NAV2: variants seen among roughly 807,000 people sequenced by gnomAD.
NAV2 encodes helicase, APC down-regulated 1.
In NAV2, 54 loss-of-function variants were observed where a neutral mutation model predicts 223.2. The observed-to-expected ratio is 0.24, with a 90% CI of 0.19 to 0.30. The LOEUF is 0.30. Ranked by LOEUF, NAV2 falls within the 10% of genes least tolerant of loss-of-function variation. The probability of loss-of-function intolerance (pLI) is 1.00; values close to 1 mark genes in which losing one functional copy is unlikely to be tolerated. For synonymous variants in NAV2, 1,279 were observed against 1,239.3 expected (o/e 1.03, Z -0.67); for missense variants, 2,806 against 3,147.5 (o/e 0.89, Z 2.60).
At chr11:19,994,668 A>G (rs1210857265) in intron 11 of NAV2, among the ~76,000 whole-genome samples, 1 of 152,140 alleles carries the variant, frequency 6.6e-6, no homozygotes, top group African/African-American at 2.4e-5. Context: ...ACGGTGGCCT[A>G]TGGAAAAGGG....
At position 20,068,210 on chromosome 11, in the gene NAV2, G is replaced by A. The variant is rs762216493; in HGVS notation, c.4908+1G>A. 1 of 1,614,084 alleles carries A rather than the reference G, an allele frequency of 6.2e-7. No individual in the cohort carries two copies. The highest frequency in any genetic ancestry group is 1.1e-5 in the South Asian group (1 of 91,084). On this transcript the variant is annotated splice_donor_variant, in intron 21 of 37. Transcript: ENST00000349880. LOFTEE classifies it high-confidence loss of function. ...GCCAGAAGAAAAATGCCAGTCAGAG[G>A]TAAGGAACAGCTTTCTGGTTGGATT...
Position 19,946,429 on chromosome 11 carries a change from G to C in NAV2, c.2175G>C (p.Arg725=), listed in dbSNP as rs2046946005. 7.4e-6 allele frequency: 12 copies of C among 1,613,310 alleles called. No homozygotes were observed. Among genetic ancestry groups the C allele is most frequent in the Non-Finnish European group, 1.0e-5 (12 of 1,179,808 alleles). Residue 725 remains arginine (R), a synonymous_variant, in exon 9 of 38, where the codon CGG becomes CGC. Coordinates refer to ENST00000349880, the MANE Select transcript of NAV2 (RefSeq NM_145117.5). ...AAGATCCTGAGGCTCGGCGGCTGCG[G>C]ACAGTGAAGAACATCGCTGATCTGC... is the stretch of plus-strand genomic sequence containing the variant. ...TGEDPEARRL[R]TVKNIADLRQ... is the part of the protein sequence containing the mutation.
chr11:19,626,224 G>A (rs1232084069), intron 1 of NAV2, among the ~76,000 whole-genome samples: 2 of 152,120 alleles, frequency 1.3e-5, no homozygotes, highest in Admixed American at 6.5e-5. Context: ...GATGAGAGAT[G>A]GAGGTCTGTT....
At chr11:19,692,753 G>T (rs1025737919) in intron 1 of NAV2, among the ~76,000 whole-genome samples, 1 of 152,144 alleles carries the variant, frequency 6.6e-6, no homozygotes, top group East Asian at 1.9e-4. Context: ...GCCAGGCATC[G>T]TTCTAGACTC....
At chr11:20,029,981 T>C (rs2055542598) in intron 11 of NAV2, among the ~76,000 whole-genome samples, 1 of 152,230 alleles carries the variant, frequency 6.6e-6, no homozygotes, top group Admixed American at 6.5e-5. Flanking sequence ...TCTAGATGTT[T>C]CAGCCAAAGA....
chr11:19,855,592 C>G (rs545815844), intron 3 of NAV2, among the ~76,000 whole-genome samples: 2 of 152,120 alleles, frequency 1.3e-5, no homozygotes, highest in African/African-American at 2.4e-5. Context: ...CGTATACTTT[C>G]CCCTGAAGGA....
chr11:19,764,054 A>AT (rs2055001401), intron 1 of NAV2, among the ~76,000 whole-genome samples: 1 of 152,076 alleles, frequency 6.6e-6, no homozygotes, highest in African/African-American at 2.4e-5. Context: ...CTGTAATTAC[A>AT]TTTTTTCCAT....
intron 11 of NAV2, among the ~76,000 whole-genome samples, chr11:19,997,118 T>C (rs1431600480): frequency 1.3e-5 from 2 of 152,270 alleles, no homozygotes; most frequent in Middle Eastern, 3.4e-3. Context: ...TATGCAGTAA[T>C]TGAAGCCCTA....
In NAV2 at chr11:19,868,954, C is replaced by T. The variant is rs143279010; in HGVS notation, c.468C>T (p.Phe156=). 6.2e-5 allele frequency: 100 copies of T among 1,613,508 alleles called. 1 individual carries two copies. Among genetic ancestry groups the T allele is most frequent in the Admixed American group, 4.5e-4 (27 of 59,998 alleles). Residue 156 remains phenylalanine (F), a synonymous_variant, in exon 4 of 38, where the codon TTC becomes TTT. Coordinates refer to ENST00000349880, the MANE Select transcript of NAV2 (RefSeq NM_145117.5). ...AAAACATAGATGCCTGCTTGAATTT[C>T]CTGGCAGCTAAGGGAATAAACATCC... is the stretch of plus-strand genomic sequence containing the variant. ...MIENIDACLN[F]LAAKGINIQG...
chr11:19,965,934 G>A (rs530696411), intron 10 of NAV2, among the ~76,000 whole-genome samples: 8 of 152,288 alleles, frequency 5.3e-5, no homozygotes, highest in African/African-American at 1.7e-4. Flanking sequence ...TCACTCCCAC[G>A]TCTCACTCCT....
chr11:19,618,240 G>A (rs1461323749), intron 1 of NAV2, among the ~76,000 whole-genome samples: 1 of 152,012 alleles, frequency 6.6e-6, no homozygotes, highest in Admixed American at 6.5e-5. Flanking sequence ...ATGGATGGAT[G>A]GATTGCTGGC....
chr11:19,431,889 T>C (rs960993433), intron 1 of NAV2, among the ~76,000 whole-genome samples: 1 of 152,216 alleles, frequency 6.6e-6, no homozygotes, highest in African/African-American at 2.4e-5. Context: ...CATCATAGTG[T>C]GATCTGGTTG....
chr11:19,535,241 G>A (rs766328335), intron 1 of NAV2, among the ~76,000 whole-genome samples: 18 of 152,176 alleles, frequency 1.2e-4, no homozygotes, highest in Non-Finnish European at 2.1e-4. Context: ...AGAGAAGGGG[G>A]TTTGAATCCT....
intron 12 of NAV2, among the ~76,000 whole-genome samples, chr11:20,039,481 T>C (rs1336266458): frequency 6.6e-6 from 1 of 151,792 alleles, no homozygotes; most frequent in African/African-American, 2.4e-5. Flanking sequence ...CCCTGCCACC[T>C]GGGTTAACTG....
At chr11:19,689,108 C>T (rs1032307407) in intron 1 of NAV2, among the ~76,000 whole-genome samples, 4 of 152,108 alleles carry the variant, frequency 2.6e-5, no homozygotes, top group Non-Finnish European at 5.9e-5. Flanking sequence ...CAATGTGGCC[C>T]TTCTCAGTAT....
chr11:19,870,565 T>A (rs1389022230), intron 4 of NAV2, among the ~76,000 whole-genome samples: 1 of 152,194 alleles, frequency 6.6e-6, no homozygotes, highest in Non-Finnish European at 1.5e-5. Context: ...TGGCCTGACT[T>A]CTGCCTCATT....
chr11:19,924,550 T>C (rs2044569031), intron 6 of NAV2, among the ~76,000 whole-genome samples: 1 of 152,238 alleles, frequency 6.6e-6, no homozygotes, highest in African/African-American at 2.4e-5. Context: ...AGGAGGGTTC[T>C]GTCTGTTAGG....
At chr11:19,620,650 G>A (rs1234296402) in intron 1 of NAV2, among the ~76,000 whole-genome samples, 3 of 152,194 alleles carry the variant, frequency 2.0e-5, no homozygotes, top group Non-Finnish European at 4.4e-5. Context: ...TCAGCTTAAC[G>A]AGATTTAGGG....
intron 1 of NAV2, chr11:19,777,441 C>A (rs552915987): frequency 3.6e-4 from 161 of 453,302 alleles, no homozygotes; most frequent in Non-Finnish European, 6.6e-4. Flanking sequence ...TTTCCTCTGC[C>A]CCTTCCTTCC....
Sources: allele counts gnomAD v4.1 joint callset (sites outside exome capture counted in the v4.1 genomes callset), GRCh38; gene constraint gnomAD v4.1.1; transcripts MANE v1.5; gene names NCBI Gene and HGNC (gene_info 2026-07-23, HGNC 2026-07-21).